COQ7: variants seen among roughly 807,000 people sequenced by gnomAD.
COQ7 encodes the protein coenzyme Q7, hydroxylase.
Under a neutral mutation model 25.0 loss-of-function variants are expected in COQ7, and 21 were observed. The observed-to-expected ratio is 0.84, with a 90% CI of 0.60 to 1.21. The LOEUF is 1.21. Ranked by LOEUF, COQ7 falls within the 50% of genes most tolerant of loss-of-function variation. The pLI is 0.00. For missense variants in COQ7, 311 were observed against 296.2 expected (o/e 1.05, Z -0.37); for synonymous variants, 125 against 112.4 (o/e 1.11, Z -0.71).
chr16:19,071,962 T>C lies in COQ7; in HGVS notation c.108T>C (p.Ser36=). 6.2e-7 allele frequency: 1 copy of C among 1,614,244 alleles called. No homozygotes were observed. The highest frequency in any genetic ancestry group is 8.5e-7 in the Non-Finnish European group (1 of 1,180,050). ...GAAGAACCAGTGTCAGATTTCGCAG[T>C]TCAGGAATGACTTTAGACAATATCA... ...YGRRTSVRFR[S]SGMTLDNISR... is the part of the protein sequence containing the mutation. Residue 36 remains serine, a synonymous_variant, in exon 2 of 6, where the codon AGT becomes AGC. Transcript: ENST00000321998.
chr16:19,075,829 A>C lies in COQ7; in HGVS notation c.476A>C (p.Glu159Ala), dbSNP rs1567541993. ...YNNQIRTLMEEDPEKYEELLQ... is the reference protein window; with the variant it reads ...YNNQIRTLMEADPEKYEELLQ... ...AACCAGATCAGGACGCTGATGGAGG[A>C]GGACCCTGAAAAATACGAGGAACTT... The change falls in exon 4 of 6, where the codon GAG (glutamate) becomes GCG (alanine). Residue 159 changes from glutamate to alanine, a missense_variant. Coordinates refer to ENST00000321998, the MANE Select transcript of COQ7 (RefSeq NM_016138.5). The C allele has an allele frequency of 6.2e-7, 1 of 1,614,220 alleles. No individual in the cohort carries two copies. The highest frequency in any genetic ancestry group is 1.1e-5 in the South Asian group (1 of 91,090).
downstream of COQ7, among the ~76,000 whole-genome samples, chr16:19,082,103 A>C (rs538685465): frequency 1.2e-4 from 18 of 152,246 alleles, no homozygotes; most frequent in Non-Finnish European, 2.5e-4. Context: ...GAAACAACTC[A>C]TGTCCATCAA....
chr16:19,070,161 A>G (rs767330831), intron 1 of COQ7, among the ~76,000 whole-genome samples: 8 of 152,162 alleles, frequency 5.3e-5, no homozygotes, highest in Non-Finnish European at 1.0e-4. Flanking sequence ...CTGGGTCACT[A>G]TGCTTCAGAA....
At position 19,078,212 on chromosome 16, in the gene COQ7, A is replaced by G. The variant is rs1256816633; in HGVS notation, c.*54A>G. 5.8e-6 allele frequency: 8 copies of G among 1,389,840 alleles called. No individual in the cohort carries two copies. The highest frequency in any genetic ancestry group is 3.6e-4 in the Middle Eastern group (2 of 5,592). 86.1% of individuals were successfully genotyped at this position (1,389,840 alleles called of 1,614,324 possible). A position where few individuals can be genotyped will look rare whatever the true frequency, so the allele number is the denominator to read the frequency against. The stretch of plus-strand genomic sequence containing the variant: ...AGATGATAGTAATTTACCAAGTGAC[A>G]TTTGCAGAGAAACAGGTGTACAGTT... On this transcript the variant is annotated 3_prime_UTR_variant, in exon 6 of 6. Transcript: ENST00000321998.
In COQ7 at chr16:19,072,092, G is replaced by C; in HGVS notation, c.238G>C (p.Gly80Arg). 6.2e-7 allele frequency: 1 copy of C among 1,614,040 alleles called. No individual in the cohort carries two copies. The highest frequency in any genetic ancestry group is 8.5e-7 in the Non-Finnish European group (1 of 1,180,008). Reference protein sequence around the residue: ...QMAVLGRTSVGPVIQKMWDQE... With the variant: ...QMAVLGRTSVRPVIQKMWDQE... Reference sequence around the variant, plus strand: ...GGCTGTCCTGGGTCGGACCAGCGTCGGGCCAGTCATTCAGGTGGGTGCTTC... The same window carrying C: ...GGCTGTCCTGGGTCGGACCAGCGTCCGGCCAGTCATTCAGGTGGGTGCTTC... The change falls in exon 2 of 6, where the codon GGG becomes CGG. Residue 80 changes from glycine (G) to arginine (R), a missense_variant. Coordinates refer to ENST00000321998, the MANE Select transcript of COQ7 (RefSeq NM_016138.5).
chr16:19,071,932 T>G lies in COQ7; in HGVS notation c.78T>G (p.Tyr26Ter). 2 of 1,614,198 alleles carry G rather than the reference T, an allele frequency of 1.2e-6. No homozygotes were observed. The highest frequency in any genetic ancestry group is 1.7e-6 in the Non-Finnish European group (2 of 1,180,014). The stretch of plus-strand genomic sequence containing the variant: ...GAATAAACACTTGCATTTCAGCTTA[T>G]GGAAGAAGAACCAGTGTCAGATTTC... ...RPGARRSLSA[Y>*]GRRTSVRFRS... Residue 26 changes from tyrosine to a stop codon, truncating the protein, a stop_gained, in exon 2 of 6, where the codon TAT becomes TAG. Transcript: ENST00000321998. LOFTEE classifies it high-confidence loss of function.
At chr16:19,068,332 C>T in intron 1 of COQ7, 1 of 990,106 alleles carries the variant, frequency 1.0e-6, no homozygotes, top group Non-Finnish European at 1.2e-6. Context: ...TTCCTGCTTT[C>T]CTTGTTTCAT....
chr16:19,082,400 G>A (rs563336969), downstream of COQ7, among the ~76,000 whole-genome samples: 34 of 152,282 alleles, frequency 2.2e-4, no homozygotes, highest in East Asian at 2.3e-3. Context: ...GGAGGCCAAG[G>A]TGGAAGGATC....
chr16:19,079,241 A>C lies in COQ7; in HGVS notation c.*1083A>C, dbSNP rs1963017966. On this transcript the variant is annotated 3_prime_UTR_variant, in exon 6 of 6. Coordinates refer to ENST00000321998, the MANE Select transcript of COQ7 (RefSeq NM_016138.5). ...CCAGCCTCTAGGACTGTGAGCAATA[A>C]ATGTTTGATGTTTATAAGCCACCCA... 1.3e-5 allele frequency: 2 copies of C among 152,170 alleles called. No homozygotes were observed. The highest frequency in any genetic ancestry group is 4.1e-4 in the South Asian group (2 of 4,828). The allele number at this position is 152,170 out of a possible 1,614,324, so 9.4% of individuals were successfully genotyped here.
Position 19,071,972 on chromosome 16 carries a change from A to G in COQ7, c.118A>G (p.Thr40Ala), listed in dbSNP as rs747147377. 3.7e-6 allele frequency: 6 copies of G among 1,614,234 alleles called. No homozygotes were observed. The highest frequency in any genetic ancestry group is 1.6e-4 in the Middle Eastern group (1 of 6,062). ...TSVRFRSSGM[T>A]LDNISRAAVD... ...TGTCAGATTTCGCAGTTCAGGAATG[A>G]CTTTAGACAATATCAGTCGGGCAGC... is the stretch of plus-strand genomic sequence containing the variant. Residue 40 changes from threonine (T) to alanine (A), a missense_variant, in exon 2 of 6, where the codon ACT becomes GCT. Thr to Ala is a moderately conservative substitution (Grantham distance 58). Coordinates refer to ENST00000321998, the MANE Select transcript of COQ7 (RefSeq NM_016138.5).
rs1333758896 is a variant in COQ7 at position 19,072,038 on chromosome 16, G to A, written c.184G>A (p.Gly62Arg). 7 of 1,614,126 alleles carry A rather than the reference G, an allele frequency of 4.3e-6. No homozygotes were observed. The highest frequency in any genetic ancestry group is 1.7e-5 in the Admixed American group (1 of 60,004). ...CCGGGTGGATCATGCAGGCGAATAT[G>A]GAGCAAACCGCATCTATGCCGGGCA... ...IIRVDHAGEY[G>R]ANRIYAGQMA... Residue 62 changes from glycine (G) to arginine (R), a missense_variant, in exon 2 of 6, where the codon GGA (glycine) becomes AGA (arginine). Gly to Arg is a moderately radical substitution (Grantham distance 125, BLOSUM62 -2). Transcript: ENST00000321998.
At position 19,078,260 on chromosome 16, in the gene COQ7, T is replaced by C; in HGVS notation, c.*102T>C. ...GTTATCGTTGTACTTTTGTACAATG[T>C]GAATTTTGTTAATAAATTATAAGGT... On this transcript the variant is annotated 3_prime_UTR_variant, in exon 6 of 6. Coordinates refer to ENST00000321998, the MANE Select transcript of COQ7 (RefSeq NM_016138.5). 1.3e-6 allele frequency: 1 copy of C among 786,746 alleles called. No individual in the cohort carries two copies. Among genetic ancestry groups the C allele is most frequent in the Non-Finnish European group, 1.9e-6 (1 of 527,304 alleles). The allele number at this position is 786,746 out of a possible 1,614,324, so 48.7% of individuals were successfully genotyped here. A position where few individuals can be genotyped will look rare whatever the true frequency, so the allele number is the denominator to read the frequency against.
chr16:19,072,136 G>A (rs751954783), intron 2 of COQ7, 30 bp downstream of exon 2: 1 of 1,613,110 alleles, frequency 6.2e-7, no homozygotes, highest in Non-Finnish European at 8.5e-7. Flanking sequence ...CCTCACCCTG[G>A]TCTACTGAAT....
intron 1 of COQ7, chr16:19,068,659 C>CAAAAAA: frequency 5.6e-6 from 1 of 179,656 alleles, no homozygotes; most frequent in Non-Finnish European, 1.1e-5. Flanking sequence ...CTCCCCCGCG[C>CAAAAAA]AAAAAAAAAA....
intron 4 of COQ7, 120 bp downstream of exon 4, chr16:19,075,980 A>T: frequency 7.6e-7 from 1 of 1,318,888 alleles, no homozygotes; most frequent in Non-Finnish European, 1.1e-6. Context: ...GGCTCAGGTC[A>T]GTGCCTCAGT....
At chr16:19,073,354 G>T (rs1457383253) in intron 2 of COQ7, among the ~76,000 whole-genome samples, 1 of 151,724 alleles carries the variant, frequency 6.6e-6, no homozygotes, top group Non-Finnish European at 1.5e-5. Flanking sequence ...TTAGCCAGGT[G>T]TAGTGGCATG....
chr16:19,075,983 G>A, intron 4 of COQ7, 123 bp downstream of exon 4: 1 of 1,313,962 alleles, frequency 7.6e-7, no homozygotes, highest in Non-Finnish European at 1.1e-6. Flanking sequence ...TCAGGTCAGT[G>A]CCTCAGTTTA....
intron 3 of COQ7, 131 bp from the exon 4 acceptor site, chr16:19,075,590 G>A (rs1360054703): frequency 2.1e-6 from 2 of 970,622 alleles, no homozygotes; most frequent in Non-Finnish European, 3.0e-6. Flanking sequence ...CCATGCATGG[G>A]ACAGCCCCTG....
chr16:19,067,689 G>A lies in COQ7; in HGVS notation c.25G>A (p.Ala9Thr). 6.2e-7 allele frequency: 1 copy of A among 1,609,780 alleles called. No homozygotes were observed. The highest frequency in any genetic ancestry group is 8.5e-7 in the Non-Finnish European group (1 of 1,178,426). Residue 9 changes from alanine to threonine, a missense_variant, in exon 1 of 6, where the codon GCT (alanine) becomes ACT (threonine). Physicochemically the swap from Ala to Thr is moderately conservative, Grantham distance 58. Transcript: ENST00000321998. Reference sequence around the variant, plus strand: ...AATGAGTTGCGCCGGGGCGGCGGCGGCTCCCCGCCTTTGGCGGCTGCGCCC... The same window carrying A: ...AATGAGTTGCGCCGGGGCGGCGGCGACTCCCCGCCTTTGGCGGCTGCGCCC... Reference protein sequence around the residue: MSCAGAAAAPRLWRLRPGA... With the variant: MSCAGAAATPRLWRLRPGA...
Sources: allele counts gnomAD v4.1 joint callset (sites outside exome capture counted in the v4.1 genomes callset), GRCh38; gene constraint gnomAD v4.1.1; transcripts MANE v1.5; gene names NCBI Gene and HGNC (gene_info 2026-07-23, HGNC 2026-07-21).